The following NSD1 variants were observed in gnomAD, a reference collection of about 807,000 sequenced individuals.
NSD1 encodes nuclear receptor binding SET domain protein 1, also known as histone-lysine N-methyltransferase, H3 lysine-36 specific.
A neutral mutation model predicts 242.7 loss-of-function variants in NSD1; 26 were observed. The observed-to-expected ratio is 0.11, with a 90% confidence interval of 0.08 to 0.15. NSD1 has a LOEUF of 0.15. NSD1 is among the 10% of genes least tolerant of loss of function. The probability of loss-of-function intolerance (pLI) is 1.00; values close to 1 mark genes in which losing one functional copy is unlikely to be tolerated. For synonymous variants in NSD1, 1,106 were observed against 1,178.1 expected (o/e 0.94, Z 1.25); for missense variants, 2,495 against 3,272.8 (o/e 0.76, Z 5.80).
rs114875369 is a variant in NSD1 at position 177,155,484 on chromosome 5, G to A, written c.927+19454G>A. Among the ~76,000 whole-genome samples the A allele has an allele frequency of 9.7e-3, 1,427 of 147,224 alleles. 16 individuals carry two copies. Among genetic ancestry groups the A allele is most frequent in the Non-Finnish European group, 0.016 (1,097 of 66,938 alleles). On this transcript the variant is annotated intron_variant, in intron 2 of 22. Transcript: ENST00000439151. ...TCACCATGTCGGCTAAGCTGGTCTC[G>A]AACTCCTGACCTCAGGTGATCTGCC...
At chr5:177,150,927 C>G (rs2149776559) in intron 2 of NSD1, among the ~76,000 whole-genome samples, 1 of 152,270 alleles carries the variant, frequency 6.6e-6, no homozygotes, top group Middle Eastern at 3.4e-3. Flanking sequence ...CATTCAAAAG[C>G]ATTTCTTTTT....
chr5:177,205,895 T>A (rs1206836754), intron 4 of NSD1, among the ~76,000 whole-genome samples: 1 of 152,144 alleles, frequency 6.6e-6, no homozygotes, highest in East Asian at 1.9e-4. Context: ...ACAGTCATCT[T>A]TTACTGCAGC....
At position 177,135,856 on chromosome 5, in the gene NSD1, A is replaced by G; in HGVS notation, c.753A>G (p.Ala251=). Reference sequence around the variant, plus strand: ...AAGTGGACGGCAGCAATGAAAAAGCAGCCCTTCTCCCAGCCCCCTTTTCAC... The same window carrying G: ...AAGTGGACGGCAGCAATGAAAAAGCGGCCCTTCTCCCAGCCCCCTTTTCAC... ...RNEVDGSNEK[A]ALLPAPFSLG... The change falls in exon 2 of 23, where the codon GCA becomes GCG. Residue 251 remains alanine, a synonymous_variant. Transcript: ENST00000439151. 1 of 1,605,654 alleles carries G rather than the reference A, an allele frequency of 6.2e-7. No individual in the cohort carries two copies. The highest frequency in any genetic ancestry group is 8.5e-7 in the Non-Finnish European group (1 of 1,173,966).
intron 2 of NSD1, among the ~76,000 whole-genome samples, chr5:177,143,613 C>T (rs1304488587): frequency 6.6e-6 from 1 of 152,032 alleles, no homozygotes; most frequent in Non-Finnish European, 1.5e-5. Context: ...AGCCACTGAG[C>T]CTGGCCAAGG....
intron 2 of NSD1, among the ~76,000 whole-genome samples, chr5:177,146,240 C>G (rs1757234307): frequency 7.8e-6 from 1 of 128,080 alleles, no homozygotes; most frequent in Non-Finnish European, 1.6e-5. Context: ...GAGTCTCCAT[C>G]TGATGCCCAG....
chr5:177,141,978 C>T (rs1189905470), intron 2 of NSD1, among the ~76,000 whole-genome samples: 15 of 152,162 alleles, frequency 9.9e-5, no homozygotes, highest in African/African-American at 1.4e-4. Context: ...GGACTACAGG[C>T]GCCCACCACC....
Position 177,244,285 on chromosome 5 carries a change from GA to G in NSD1, c.4378+16del. ...TTTTGGTGGAGGTGAGTATTTTTGA[GA>G]TTTAAAAAACGTAATGCAGTAGTAA... is the stretch of plus-strand genomic sequence containing the variant. On this transcript the variant is annotated intron_variant, in intron 9 of 22. Coordinates refer to ENST00000439151, the MANE Select transcript of NSD1 (RefSeq NM_022455.5). 6.3e-7 allele frequency: 1 copy of G among 1,590,708 alleles called. No homozygotes were observed. Among genetic ancestry groups the G allele is most frequent in the East Asian group, 2.2e-5 (1 of 44,734 alleles).
intron 10 of NSD1, among the ~76,000 whole-genome samples, chr5:177,247,264 T>C (rs1254732606): frequency 1.3e-5 from 2 of 152,176 alleles, no homozygotes; most frequent in Non-Finnish European, 2.9e-5. Flanking sequence ...ACCTCATCTC[T>C]ACTAACAATA....
intron 9 of NSD1, among the ~76,000 whole-genome samples, chr5:177,245,488 T>C (rs1581426475): frequency 1.3e-5 from 2 of 152,180 alleles, no homozygotes; most frequent in East Asian, 3.8e-4. Context: ...GAGGCAGTCT[T>C]CAAAACTCCA....
intron 14 of NSD1, among the ~76,000 whole-genome samples, chr5:177,261,385 T>A (rs1417615833): frequency 6.6e-6 from 1 of 152,012 alleles, no homozygotes; most frequent in Non-Finnish European, 1.5e-5. Context: ...CCGGCCATTT[T>A]ATTCATTTTT....
chr5:177,275,468 G>A (rs1758302446), intron 17 of NSD1, among the ~76,000 whole-genome samples: 1 of 101,554 alleles, frequency 9.8e-6, no homozygotes, highest in Admixed American at 1.4e-4. Flanking sequence ...TTTTGAGATG[G>A]AGTCGCCCAG....
chr5:177,167,097 T>C (rs979086092), intron 2 of NSD1, among the ~76,000 whole-genome samples: 4 of 152,016 alleles, frequency 2.6e-5, no homozygotes, highest in African/African-American at 9.7e-5. Flanking sequence ...TAAGCCAAAG[T>C]TTATTAGGTG....
chr5:177,213,033 T>A (rs1763482457), intron 5 of NSD1, among the ~76,000 whole-genome samples: 1 of 152,218 alleles, frequency 6.6e-6, no homozygotes, highest in Non-Finnish European at 1.5e-5. Flanking sequence ...TATTCTGTAG[T>A]ACTTATTTGA....
intron 5 of NSD1, among the ~76,000 whole-genome samples, chr5:177,225,627 A>G (rs946925916): frequency 2.6e-5 from 4 of 152,210 alleles, no homozygotes; most frequent in African/African-American, 9.6e-5. Flanking sequence ...AAATAGGGTC[A>G]TATGGGTGCT....
intron 8 of NSD1, among the ~76,000 whole-genome samples, chr5:177,241,794 G>A (rs1227890009): frequency 6.6e-6 from 1 of 152,088 alleles, no homozygotes; most frequent in Non-Finnish European, 1.5e-5. Flanking sequence ...TTACTCTGAG[G>A]TATATTTTGT....
intron 8 of NSD1, among the ~76,000 whole-genome samples, chr5:177,243,893 A>G (rs1018371055): frequency 6.6e-6 from 1 of 151,930 alleles, no homozygotes; most frequent in Non-Finnish European, 1.5e-5. Flanking sequence ...GGGTTTCTCC[A>G]TGTTGGTCAG....
intron 2 of NSD1, among the ~76,000 whole-genome samples, chr5:177,145,661 C>T (rs1757178791): frequency 1.3e-5 from 2 of 152,054 alleles, no homozygotes; most frequent in South Asian, 4.1e-4. Flanking sequence ...GCCTGTAATC[C>T]CAGCACTTTG....
intron 4 of NSD1, among the ~76,000 whole-genome samples, chr5:177,207,913 T>C (rs1763022735): frequency 6.6e-6 from 1 of 151,086 alleles, no homozygotes; most frequent in African/African-American, 2.4e-5. Flanking sequence ...CTAGTGTGTG[T>C]GTGTGTGTGC....
At chr5:177,197,959 G>C (rs1297932298) in intron 3 of NSD1, among the ~76,000 whole-genome samples, 1 of 152,010 alleles carries the variant, frequency 6.6e-6, no homozygotes, top group African/African-American at 2.4e-5. Flanking sequence ...CAGGCAGATA[G>C]GTATATAGGA....
Sources: gnomAD v4.1 joint callset for allele counts (sites outside exome capture counted in the v4.1 genomes callset) on GRCh38, gnomAD v4.1.1 for gene constraint, MANE v1.5 for transcripts, NCBI Gene and HGNC (gene_info 2026-07-23, HGNC 2026-07-21) for gene names.